The following RPS6KC1 variants were observed in gnomAD, a reference collection of about 807,000 sequenced individuals.
RPS6KC1 encodes the protein ribosomal protein S6 kinase C1, also known as inactive ribosomal protein S6 kinase delta-1.
Under a neutral mutation model 103.8 loss-of-function variants are expected in RPS6KC1, and 54 were observed. The observed-to-expected ratio is 0.52, with a 90% CI of 0.42 to 0.65. RPS6KC1 has a LOEUF of 0.65. Ranked by LOEUF, RPS6KC1 falls within the 30% of genes least tolerant of loss-of-function variation. The probability of loss-of-function intolerance (pLI) is 0.00; values close to 1 mark genes in which losing one functional copy is unlikely to be tolerated. For missense variants in RPS6KC1, 1,151 were observed against 1,253.8 expected, an observed-to-expected ratio of 0.92 and a Z score of 1.24; for synonymous variants, 439 against 438.7, an observed-to-expected ratio of 1.00 and a Z score of -0.01.
At chr1:213,103,032 C>A (rs1454426137) in intron 3 of RPS6KC1, among the ~76,000 whole-genome samples, 2 of 151,948 alleles carry the variant, frequency 1.3e-5, no homozygotes, top group Non-Finnish European at 2.9e-5. Context: ...CGTAGTGCGA[C>A]CCTCTCTCTA....
chr1:213,553,201 C>CT, the RPS6KC1 span, among the ~76,000 whole-genome samples: 2 of 152,064 alleles, frequency 1.3e-5, no homozygotes, highest in African/African-American at 2.4e-5. Context: ...CTATTGCTCC[C>CT]TTTTTTGTGT....
At chr1:213,352,192 G>C in the RPS6KC1 span, among the ~76,000 whole-genome samples, 1 of 152,046 alleles carries the variant, frequency 6.6e-6, no homozygotes, top group Admixed American at 6.5e-5. Flanking sequence ...AAAATTTTCA[G>C]TGTAGTAAAC....
chr1:213,822,207 T>G, the RPS6KC1 span: 1 of 152,174 alleles, frequency 6.6e-6, no homozygotes, highest in African/African-American at 2.4e-5. Context: ...AGCCCTTTCT[T>G]CATTTGGTTT....
chr1:213,174,552 C>A (rs2091725192), intron 7 of RPS6KC1, among the ~76,000 whole-genome samples: 1 of 151,800 alleles, frequency 6.6e-6, no homozygotes, highest in African/African-American at 2.4e-5. Flanking sequence ...CGCCTATAAT[C>A]CCAGCTACTC....
chr1:213,477,802 ATAAT>A, the RPS6KC1 span, among the ~76,000 whole-genome samples: 1 of 152,210 alleles, frequency 6.6e-6, no homozygotes, highest in Non-Finnish European at 1.5e-5. Flanking sequence ...CCCTGCATGT[ATAAT>A]TCCCTCTGTC....
the RPS6KC1 span, among the ~76,000 whole-genome samples, chr1:213,606,326 C>A: frequency 6.6e-6 from 1 of 152,204 alleles, no homozygotes; most frequent in African/African-American, 2.4e-5. Flanking sequence ...GGGAACCAAT[C>A]TCTTATCACT....
the RPS6KC1 span, among the ~76,000 whole-genome samples, chr1:213,406,265 G>A: frequency 1.3e-5 from 2 of 152,230 alleles, no homozygotes; most frequent in Admixed American, 6.5e-5. Flanking sequence ...TCATGGGCAT[G>A]GGCCTAAAAG....
At chr1:213,108,825 T>C (rs1461798618) in intron 4 of RPS6KC1, among the ~76,000 whole-genome samples, 1 of 151,998 alleles carries the variant, frequency 6.6e-6, no homozygotes, top group Non-Finnish European at 1.5e-5. Context: ...ATTTTTAAAT[T>C]TTTTTGTAGA....
At chr1:213,847,545 A>G in the RPS6KC1 span, among the ~76,000 whole-genome samples, 2 of 152,330 alleles carry the variant, frequency 1.3e-5, no homozygotes, top group Admixed American at 1.3e-4. Context: ...ACTGAAATGG[A>G]GATGATAATC....
At chr1:213,769,415 TTTTGGACCAGTTTAGAG>T in the RPS6KC1 span, among the ~76,000 whole-genome samples, 1 of 152,192 alleles carries the variant, frequency 6.6e-6, no homozygotes, top group African/African-American at 2.4e-5. Context: ...CTGATGGTCC[TTTTGGACCAGTTTAGAG>T]GATGTCTGGA....
At chr1:213,130,670 A>G (rs1003818504) in intron 6 of RPS6KC1, among the ~76,000 whole-genome samples, 6 of 152,150 alleles carry the variant, frequency 3.9e-5, no homozygotes, top group African/African-American at 9.7e-5. Context: ...TATGCCTAGT[A>G]TCCTGTAGTC....
chr1:213,632,797 T>C, the RPS6KC1 span, among the ~76,000 whole-genome samples: 1 of 152,132 alleles, frequency 6.6e-6, no homozygotes, highest in East Asian at 1.9e-4. Flanking sequence ...CTAAAAACCT[T>C]GAAAAAAGAC....
At chr1:213,703,066 T>G in the RPS6KC1 span, among the ~76,000 whole-genome samples, 16 of 152,260 alleles carry the variant, frequency 1.1e-4, no homozygotes, top group East Asian at 3.1e-3. Context: ...GTGATATGAT[T>G]TAGTTTCTTG....
At chr1:213,690,866 A>C in the RPS6KC1 span, among the ~76,000 whole-genome samples, 1 of 152,122 alleles carries the variant, frequency 6.6e-6, no homozygotes, top group South Asian at 2.1e-4. Context: ...CCACTGAAGG[A>C]GCTATAAAAG....
At chr1:213,243,417 G>A (rs1330881033) in intron 12 of RPS6KC1, among the ~76,000 whole-genome samples, 3 of 152,048 alleles carry the variant, frequency 2.0e-5, no homozygotes, top group Admixed American at 2.0e-4. Flanking sequence ...CATGGTGCCT[G>A]GCACAATGGA....
chr1:213,808,180 GC>G, the RPS6KC1 span, among the ~76,000 whole-genome samples: 3 of 132,760 alleles, frequency 2.3e-5, no homozygotes, highest in African/African-American at 1.2e-4. Flanking sequence ...GTGTCAGTCT[GC>G]CCCTACTGGG....
chr1:213,568,475 A>G, the RPS6KC1 span, among the ~76,000 whole-genome samples: 1 of 152,244 alleles, frequency 6.6e-6, no homozygotes, highest in African/African-American at 2.4e-5. Flanking sequence ...GTAAAACTTT[A>G]TCAGATATTT....
At chr1:213,532,144 C>T in the RPS6KC1 span, among the ~76,000 whole-genome samples, 3 of 152,326 alleles carry the variant, frequency 2.0e-5, no homozygotes, top group South Asian at 6.2e-4. Flanking sequence ...CATCAAAACA[C>T]ATTGTTGCCT....
intron 6 of RPS6KC1, among the ~76,000 whole-genome samples, chr1:213,165,509 C>T (rs746130400): frequency 4.6e-5 from 7 of 151,958 alleles, no homozygotes; most frequent in Non-Finnish European, 7.4e-5. Flanking sequence ...CTGCAAGCTC[C>T]GCCTTCCGGG....
Sources: allele counts gnomAD v4.1 joint callset (sites outside exome capture counted in the v4.1 genomes callset), GRCh38; gene constraint gnomAD v4.1.1; transcripts MANE v1.5; gene names NCBI Gene and HGNC (gene_info 2026-07-23, HGNC 2026-07-21).